The following SYTL3 variants were observed in gnomAD, a reference collection of about 807,000 sequenced individuals.
SYTL3 encodes the protein synaptotagmin-like protein 3.
Under a neutral mutation model 82.1 loss-of-function variants are expected in SYTL3, and 88 were observed. The ratio of observed to expected loss-of-function variants is 1.07; its 90% CI spans 0.90 to 1.28. The LOEUF (loss-of-function observed/expected upper bound fraction) is 1.28. Among genes scored for constraint, SYTL3 ranks in the 50% most tolerant of loss-of-function variants. SYTL3 has a pLI of 0.00. For missense variants in SYTL3, 831 were observed against 757.6 expected, an observed-to-expected ratio of 1.10 and a Z score of -1.14; for synonymous variants, 311 against 289.4, an observed-to-expected ratio of 1.07 and a Z score of -0.76.
chr6:158,702,616 C>G (rs1223407883), intron 6 of SYTL3, among the ~76,000 whole-genome samples: 1 of 151,942 alleles, frequency 6.6e-6, no homozygotes. Context: ...GGTCGTTTCC[C>G]CCCGGCTTTG....
At chr6:158,700,421 T>A (rs1781053798) in intron 6 of SYTL3, among the ~76,000 whole-genome samples, 1 of 151,408 alleles carries the variant, frequency 6.6e-6, no homozygotes, top group South Asian at 2.1e-4. Flanking sequence ...CCGGCGTCAC[T>A]TATTCTTATC....
chr6:158,682,827 A>G, intron 5 of SYTL3, 98 bp from the exon 6 acceptor site: 1 of 833,006 alleles, frequency 1.2e-6, no homozygotes, highest in Non-Finnish European at 2.0e-6. Context: ...CCATTGCAAG[A>G]CTAATATTTT....
intron 8 of SYTL3, among the ~76,000 whole-genome samples, chr6:158,712,981 C>T (rs1406261731): frequency 6.6e-6 from 1 of 151,972 alleles, no homozygotes; most frequent in Non-Finnish European, 1.5e-5. Context: ...AGGATGGTCT[C>T]GATCTCCTGA....
Position 158,760,763 on chromosome 6 carries a change from C to G in SYTL3, c.1414+18C>G. Reference sequence around the variant, plus strand: ...TCAAGAAGGTCAGTGGCCTCCAGCTCCCTGGACATTGTCTGTGTCATTGTC... The same window carrying G: ...TCAAGAAGGTCAGTGGCCTCCAGCTGCCTGGACATTGTCTGTGTCATTGTC... On this transcript the variant is annotated intron_variant, in intron 15 of 17. Transcript: ENST00000611299. 1 of 1,583,700 alleles carries G rather than the reference C, an allele frequency of 6.3e-7. No homozygotes were observed. The highest frequency in any genetic ancestry group is 8.7e-7 in the Non-Finnish European group (1 of 1,152,194).
In SYTL3 at chr6:158,763,510, G is replaced by GT. The variant is rs780254371; in HGVS notation, c.1723+2dup. 5.6e-6 allele frequency: 9 copies of GT among 1,612,844 alleles called. No homozygotes were observed. Among genetic ancestry groups the GT allele is most frequent in the South Asian group, 1.1e-5 (1 of 91,066 alleles). The stretch of plus-strand genomic sequence containing the variant: ...CTTGGAGGAACCAGACTTGGTTCAA[G>GT]TAAGTCTGAGACATTGAGCCCAAAC... On this transcript the variant is annotated splice_donor_variant, in intron 17 of 17. Coordinates refer to ENST00000611299, the MANE Select transcript of SYTL3 (RefSeq NM_001242394.2). LOFTEE classifies it high-confidence loss of function.
chr6:158,690,760 T>C (rs977827965), intron 6 of SYTL3, among the ~76,000 whole-genome samples: 1 of 152,232 alleles, frequency 6.6e-6, no homozygotes, highest in African/African-American at 2.4e-5. Flanking sequence ...TATTTAGTTT[T>C]GTGGTCTTAA....
intron 6 of SYTL3, among the ~76,000 whole-genome samples, chr6:158,706,871 C>T (rs1340557873): frequency 4.6e-5 from 7 of 152,184 alleles, no homozygotes; most frequent in East Asian, 1.9e-4. Flanking sequence ...TTCCAAAGGA[C>T]GAATGGAAGA....
intron 11 of SYTL3, among the ~76,000 whole-genome samples, chr6:158,744,415 T>G (rs770624655): frequency 1.2e-4 from 18 of 149,788 alleles, no homozygotes; most frequent in African/African-American, 1.7e-4. Context: ...CACGCCATTC[T>G]CCTGCCTCAG....
intron 13 of SYTL3, among the ~76,000 whole-genome samples, chr6:158,753,335 G>A (rs1248860915): frequency 6.6e-6 from 1 of 151,162 alleles, no homozygotes; most frequent in South Asian, 2.2e-4. Context: ...TGCCCACCCC[G>A]GCCTCCCAAA....
intron 2 of SYTL3, among the ~76,000 whole-genome samples, chr6:158,657,443 A>AAAAG (rs1788819374): frequency 6.6e-6 from 1 of 151,132 alleles, no homozygotes; most frequent in East Asian, 1.9e-4. Context: ...AAAAAAAAAA[A>AAAAG]AAAGAGAGAA....
chr6:158,715,596 G>A (rs1346753504), intron 9 of SYTL3, among the ~76,000 whole-genome samples: 1 of 58,036 alleles, frequency 1.7e-5, no homozygotes, highest in Non-Finnish European at 3.7e-5. Context: ...GACTGAAACC[G>A]CATCACACAC....
At chr6:158,658,846 T>A (rs750830222) in intron 2 of SYTL3, among the ~76,000 whole-genome samples, 2 of 152,230 alleles carry the variant, frequency 1.3e-5, no homozygotes, top group South Asian at 4.2e-4. Context: ...GGAGAATCAC[T>A]TGAACCTGGG....
intron 5 of SYTL3, among the ~76,000 whole-genome samples, chr6:158,671,169 G>T (rs771404133): frequency 1.3e-5 from 2 of 152,114 alleles, no homozygotes; most frequent in Non-Finnish European, 2.9e-5. Context: ...TTTGACAATA[G>T]TGTGTGTGTT....
intron 10 of SYTL3, among the ~76,000 whole-genome samples, chr6:158,720,656 T>A (rs1784001317): frequency 6.6e-6 from 1 of 152,156 alleles, no homozygotes; most frequent in African/African-American, 2.4e-5. Context: ...TAACACTGAC[T>A]TGGGGTTAAC....
At chr6:158,659,373 G>A (rs539390648) in intron 2 of SYTL3, among the ~76,000 whole-genome samples, 95 of 152,112 alleles carry the variant, frequency 6.2e-4, no homozygotes, top group African/African-American at 2.1e-3. Flanking sequence ...TTTTCTTCTT[G>A]AGACGGAGTT....
intron 10 of SYTL3, among the ~76,000 whole-genome samples, chr6:158,720,205 C>T (rs1783920576): frequency 6.6e-6 from 1 of 152,150 alleles, no homozygotes; most frequent in African/African-American, 2.4e-5. Flanking sequence ...CGTTCGAGAG[C>T]AGCCTAGCCA....
intron 8 of SYTL3, among the ~76,000 whole-genome samples, chr6:158,710,580 TGG>T (rs891867816): frequency 6.6e-6 from 1 of 151,908 alleles, no homozygotes; most frequent in African/African-American, 2.4e-5. Flanking sequence ...ACCTCCAGCA[TGG>T]GACATGATGA....
chr6:158,722,584 C>T (rs1413326691), intron 10 of SYTL3, among the ~76,000 whole-genome samples: 1 of 152,066 alleles, frequency 6.6e-6, no homozygotes, highest in African/African-American at 2.4e-5. Context: ...CTCTCCTCTT[C>T]TGTGCATTCC....
At chr6:158,674,119 A>AATAATAATAATAATAATAATGATG (rs544841096) in intron 5 of SYTL3, among the ~76,000 whole-genome samples, 2 of 141,456 alleles carry the variant, frequency 1.4e-5, no homozygotes, top group African/African-American at 5.5e-5. Flanking sequence ...TAATAATAAT[A>AATAATAATAATAATAATAATGATG]ATGATGATGA....
Sources: allele counts gnomAD v4.1 joint callset (sites outside exome capture counted in the v4.1 genomes callset), GRCh38; gene constraint gnomAD v4.1.1; transcripts MANE v1.5; gene names NCBI Gene and HGNC (gene_info 2026-07-23, HGNC 2026-07-21).